GABRB1: variants seen among roughly 807,000 people sequenced by gnomAD.
The protein encoded by GABRB1 is gamma-aminobutyric acid type A receptor subunit beta1, also known as gamma-aminobutyric acid receptor subunit beta-1.
A neutral mutation model predicts 51.6 loss-of-function variants in GABRB1; 17 were observed. The observed-to-expected ratio is 0.33, with a 90% CI of 0.23 to 0.49. The LOEUF (loss-of-function observed/expected upper bound fraction) is 0.49. Among genes scored for constraint, GABRB1 ranks in the 20% least tolerant of loss-of-function variants. The pLI is 0.99. For synonymous variants in GABRB1, 247 were observed against 218.9 expected, an observed-to-expected ratio of 1.13 and a Z score of -1.14; for missense variants, 410 against 600.6, an observed-to-expected ratio of 0.68 and a Z score of 3.32.
At chr4:47,160,433 A>G (rs1717892381) in intron 3 of GABRB1, among the ~76,000 whole-genome samples, 1 of 152,170 alleles carries the variant, frequency 6.6e-6, no homozygotes, top group Non-Finnish European at 1.5e-5. Flanking sequence ...AAAAATCCAG[A>G]TAAGGGCAAA....
intron 4 of GABRB1, among the ~76,000 whole-genome samples, chr4:47,259,103 C>A (rs988469228): frequency 6.6e-6 from 1 of 152,038 alleles, no homozygotes; most frequent in African/African-American, 2.4e-5. Flanking sequence ...GTCCCCACAG[C>A]CAAATTGATC....
intron 4 of GABRB1, among the ~76,000 whole-genome samples, chr4:47,260,555 G>A (rs1002006633): frequency 1.3e-5 from 2 of 152,136 alleles, no homozygotes; most frequent in African/African-American, 4.8e-5. Context: ...TTGATTGTCT[G>A]TAAAGTATTT....
At chr4:47,252,737 A>G (rs1161802650) in intron 4 of GABRB1, among the ~76,000 whole-genome samples, 3 of 151,984 alleles carry the variant, frequency 2.0e-5, no homozygotes, top group Admixed American at 2.0e-4. Flanking sequence ...CAAACTCCAG[A>G]TCTCAAGTGA....
intron 1 of GABRB1, among the ~76,000 whole-genome samples, chr4:47,002,037 A>C (rs973158895): frequency 1.1e-4 from 17 of 152,212 alleles, no homozygotes; most frequent in African/African-American, 4.1e-4. Flanking sequence ...AACCATTATA[A>C]ATGTTAAACT....
intron 3 of GABRB1, among the ~76,000 whole-genome samples, chr4:47,127,637 A>G (rs946104708): frequency 2.0e-5 from 3 of 151,736 alleles, no homozygotes; most frequent in Non-Finnish European, 4.4e-5. Context: ...TTGCTCATAC[A>G]GTATTCTTCT....
chr4:47,110,717 T>C (rs1715180407), intron 3 of GABRB1, among the ~76,000 whole-genome samples: 1 of 152,198 alleles, frequency 6.6e-6, no homozygotes, highest in Non-Finnish European at 1.5e-5. Flanking sequence ...AGAAATCTTA[T>C]CTTCTTTGAT....
intron 5 of GABRB1, among the ~76,000 whole-genome samples, chr4:47,342,202 A>G (rs1434712064): frequency 6.6e-6 from 1 of 152,176 alleles, no homozygotes; most frequent in Non-Finnish European, 1.5e-5. Flanking sequence ...TTTAGAAAGG[A>G]AAGTTTTAAA....
At chr4:47,367,366 G>T (rs528821779) in intron 5 of GABRB1, among the ~76,000 whole-genome samples, 1 of 152,112 alleles carries the variant, frequency 6.6e-6, no homozygotes, top group Non-Finnish European at 1.5e-5. Context: ...ATCTCCATTG[G>T]CAGAAAATAG....
chr4:47,252,650 G>A (rs759773342), intron 4 of GABRB1, among the ~76,000 whole-genome samples: 3 of 151,506 alleles, frequency 2.0e-5, no homozygotes, highest in African/African-American at 7.3e-5. Flanking sequence ...TGGGGTTACA[G>A]GCACCCACCA....
intron 8 of GABRB1, among the ~76,000 whole-genome samples, chr4:47,410,201 C>T (rs1342314362): frequency 6.6e-6 from 1 of 152,122 alleles, no homozygotes; most frequent in Non-Finnish European, 1.5e-5. Context: ...GAAAGTTAGA[C>T]TACGAACTCC....
chr4:47,076,794 A>G (rs952996609), intron 3 of GABRB1, among the ~76,000 whole-genome samples: 1 of 152,076 alleles, frequency 6.6e-6, no homozygotes, highest in African/African-American at 2.4e-5. Flanking sequence ...CATTTTCCCC[A>G]ACAGATCTCT....
intron 4 of GABRB1, among the ~76,000 whole-genome samples, chr4:47,242,631 T>A (rs1380707007): frequency 6.6e-6 from 1 of 152,266 alleles, no homozygotes; most frequent in Non-Finnish European, 1.5e-5. Context: ...ATTTCTCTGA[T>A]GGCCAGTGAT....
chr4:47,191,800 C>G (rs1719450031), intron 4 of GABRB1, among the ~76,000 whole-genome samples: 2 of 151,732 alleles, frequency 1.3e-5, no homozygotes, highest in African/African-American at 4.8e-5. Context: ...AGGAAGGGAC[C>G]AGCAACATTA....
Position 47,161,390 on chromosome 4 carries a change from A to C in GABRB1, c.382A>C (p.Lys128Gln), listed in dbSNP as rs1451927402. Residue 128 changes from lysine (K) to glutamine (Q), a missense_variant, in exon 4 of 9, where the codon AAA becomes CAA. Lys to Gln is a moderately conservative substitution (Grantham distance 53). Around this residue, in one of 5 missense-constraint regions of GABRB1, gnomAD observed 100 missense variants for 184.3 expected, o/e 0.54. Coordinates refer to ENST00000295454, the MANE Select transcript of GABRB1 (RefSeq NM_000812.4). ...AGACACCTACTTTCTGAATGACAAG[A>C]AATCATTTGTGCATGGGGTCACAGT... ...VPDTYFLNDKKSFVHGVTVKN... is the reference protein window; with the variant it reads ...VPDTYFLNDKQSFVHGVTVKN... The C allele has an allele frequency of 1.1e-5, 18 of 1,612,890 alleles. No individual in the cohort carries two copies. Among genetic ancestry groups the C allele is most frequent in the Non-Finnish European group, 1.4e-5 (17 of 1,179,280 alleles).
chr4:47,211,182 T>C (rs974030282), intron 4 of GABRB1, among the ~76,000 whole-genome samples: 1 of 152,176 alleles, frequency 6.6e-6, no homozygotes, highest in Non-Finnish European at 1.5e-5. Flanking sequence ...TTTGGTGACA[T>C]GAATCTGAGC....
rs2109962658 is a variant in GABRB1, at chr4:47,320,133, A to C, written c.468A>C (p.Thr156=). 6 of 1,596,356 alleles carry C rather than the reference A, an allele frequency of 3.8e-6. No individual in the cohort carries two copies. The highest frequency in any genetic ancestry group is 5.2e-6 in the Non-Finnish European group (6 of 1,163,714). Residue 156 remains threonine (T), a synonymous_variant, in exon 5 of 9, where the codon ACA becomes ACC. Transcript: ENST00000295454. ...DGTVLYGLRI[T]TTAACMMDLR... ...TCTCTCTCCTCTCTATCAGAATCACAACCACAGCTGCATGTATGATGGATC... is the reference window on the plus strand; with the variant it reads ...TCTCTCTCCTCTCTATCAGAATCACCACCACAGCTGCATGTATGATGGATC...
At chr4:47,092,707 G>A (rs1412092953) in intron 3 of GABRB1, among the ~76,000 whole-genome samples, 1 of 151,394 alleles carries the variant, frequency 6.6e-6, no homozygotes, top group African/African-American at 2.4e-5. Flanking sequence ...CCACCTCCCA[G>A]GTTCAAGCAA....
At chr4:47,332,304 T>C (rs147763146) in intron 5 of GABRB1, among the ~76,000 whole-genome samples, 4,832 of 152,294 alleles carry the variant, frequency 0.032, 101 homozygotes, top group Non-Finnish European at 0.047. Flanking sequence ...CTGACAACAA[T>C]GGTGCTACAG....
At chr4:47,296,724 C>A (rs1724013451) in intron 4 of GABRB1, among the ~76,000 whole-genome samples, 1 of 152,016 alleles carries the variant, frequency 6.6e-6, no homozygotes, top group African/African-American at 2.4e-5. Context: ...AACAAGGATA[C>A]CCAGGAATTG....
Sources: gnomAD v4.1 joint callset for allele counts (sites outside exome capture counted in the v4.1 genomes callset) on GRCh38, gnomAD v4.1.1 for gene constraint, gnomAD v4.1.1 regional missense constraint, MANE v1.5 for transcripts, NCBI Gene and HGNC (gene_info 2026-07-23, HGNC 2026-07-21) for gene names.